Variants in CACNA2D1 observed in about 807,000 individuals in gnomAD.
The protein encoded by CACNA2D1 is voltage-dependent calcium channel subunit alpha-2/delta-1.
CACNA2D1 carries 53 observed loss-of-function variants against 171.5 expected under a neutral mutation model. That is an observed-to-expected ratio of 0.31 (90% CI 0.25 to 0.39). The LOEUF is 0.39. CACNA2D1 is among the 10% of genes least tolerant of loss of function. The pLI is 1.00. For missense variants in CACNA2D1, 903 were observed against 1,299.8 expected (o/e 0.69, Z 4.69); for synonymous variants, 442 against 443.1 (o/e 1.00, Z 0.03).
intron 1 of CACNA2D1, among the ~76,000 whole-genome samples, chr7:82,388,121 C>T (rs1038644228): frequency 6.6e-6 from 1 of 151,366 alleles, no homozygotes; most frequent in Admixed American, 6.6e-5. Context: ...TACATCTGAC[C>T]TAATCTCTTC....
intron 29 of CACNA2D1, 131 bp from the exon 30 acceptor site, chr7:81,967,794 G>C: frequency 1.7e-6 from 1 of 592,142 alleles, no homozygotes; most frequent in East Asian, 2.8e-5. Context: ...TGTTCATTAA[G>C]AAATAATGCT....
rs932080938 is a variant in CACNA2D1 at position 82,099,422 on chromosome 7, C to CTT, written c.527-14524_527-14523dup. Among the ~76,000 whole-genome samples, 36 of 40,290 alleles carry CTT rather than the reference C, an allele frequency of 8.9e-4. 4 individuals carry two copies. Among genetic ancestry groups the CTT allele is most frequent in the Admixed American group, 1.2e-3 (4 of 3,274 alleles). The allele number at this position is 40,290 out of a possible 152,430, so 26.4% of individuals were successfully genotyped here. On this transcript the variant is annotated intron_variant, in intron 6 of 38. Coordinates refer to ENST00000356860, the MANE Select transcript of CACNA2D1 (RefSeq NM_000722.4). ...ACTCTAAAACAGGTAGCAATACCTT[C>CTT]TTTTTTTTTTTTTTTTTTTTTTTTT...
At chr7:82,233,290 T>A (rs552976919) in intron 3 of CACNA2D1, among the ~76,000 whole-genome samples, 21 of 152,356 alleles carry the variant, frequency 1.4e-4, no homozygotes, top group African/African-American at 4.6e-4. Flanking sequence ...TTCACAAATA[T>A]TATTTTCCTC....
intron 5 of CACNA2D1, among the ~76,000 whole-genome samples, chr7:82,119,060 CCTGA>C (rs1789412607): frequency 6.6e-6 from 1 of 151,956 alleles, no homozygotes; most frequent in African/African-American, 2.4e-5. Flanking sequence ...ATACAAAGGA[CCTGA>C]CTTTTATGAA....
At chr7:82,126,849 T>A (rs1254121415) in intron 5 of CACNA2D1, among the ~76,000 whole-genome samples, 1 of 152,196 alleles carries the variant, frequency 6.6e-6, no homozygotes, top group Non-Finnish European at 1.5e-5. Flanking sequence ...ATCTCCCATC[T>A]CCTCAGCTGC....
chr7:82,248,934 G>A (rs897080798), intron 3 of CACNA2D1, among the ~76,000 whole-genome samples: 6 of 152,090 alleles, frequency 3.9e-5, no homozygotes, highest in African/African-American at 1.2e-4. Context: ...TGGCTAATAC[G>A]GTGAAACCCT....
intron 24 of CACNA2D1, 40 bp downstream of exon 24, chr7:81,982,527 C>T (rs1350978601): frequency 8.8e-7 from 1 of 1,134,542 alleles, no homozygotes; most frequent in South Asian, 1.2e-5. Flanking sequence ...GAAGGCCTAG[C>T]TACTGATAGA....
chr7:82,127,554 A>C lies in CACNA2D1; in HGVS notation c.396+9081T>G, dbSNP rs1413949949. On this transcript the variant is annotated intron_variant, in intron 5 of 38. Transcript: ENST00000356860. ...CTAAAACTTTAGTAGAGAAGATCAA[A>C]CCCTGTACACATATTCTATTGTATA... Among the ~76,000 whole-genome samples, 4 of 152,302 alleles carry C rather than the reference A, an allele frequency of 2.6e-5. No individual in the cohort carries two copies. The Middle Eastern group carries it at 0.01, about 389-fold the overall frequency.
intron 6 of CACNA2D1, among the ~76,000 whole-genome samples, chr7:82,085,548 T>C (rs914168925): frequency 6.6e-5 from 10 of 151,068 alleles, no homozygotes; most frequent in Non-Finnish European, 7.4e-5. Flanking sequence ...AAAAAAGTCA[T>C]TGGGCATAGC....
At chr7:82,300,800 T>C (rs1563333310) in intron 3 of CACNA2D1, among the ~76,000 whole-genome samples, 1 of 151,884 alleles carries the variant, frequency 6.6e-6, no homozygotes, top group Non-Finnish European at 1.5e-5. Context: ...ATTATAAATA[T>C]AATAATCTAG....
chr7:82,207,526 G>GC (rs1191521990), intron 3 of CACNA2D1, among the ~76,000 whole-genome samples: 1 of 148,558 alleles, frequency 6.7e-6, no homozygotes, highest in East Asian at 1.9e-4. Flanking sequence ...AAGATTTGAG[G>GC]TTAAAAAAAA....
At chr7:81,997,761 T>C (rs1438028580) in intron 18 of CACNA2D1, among the ~76,000 whole-genome samples, 2 of 152,034 alleles carry the variant, frequency 1.3e-5, no homozygotes, top group East Asian at 1.9e-4. Context: ...TCTGAAAGTA[T>C]ATAAAGAAAA....
At chr7:82,075,378 G>A (rs950789372) in intron 7 of CACNA2D1, among the ~76,000 whole-genome samples, 16 of 152,106 alleles carry the variant, frequency 1.1e-4, no homozygotes, top group Admixed American at 5.2e-4. Flanking sequence ...ACTCAATAAA[G>A]TAAATGGTAC....
intron 5 of CACNA2D1, among the ~76,000 whole-genome samples, chr7:82,133,951 T>C (rs1791308549): frequency 6.6e-6 from 1 of 152,016 alleles, no homozygotes; most frequent in Non-Finnish European, 1.5e-5. Flanking sequence ...CGGGCGCCTG[T>C]AGTCCCAGCT....
intron 4 of CACNA2D1, among the ~76,000 whole-genome samples, chr7:82,161,849 A>G (rs1389264471): frequency 2.0e-5 from 3 of 152,042 alleles, no homozygotes; most frequent in African/African-American, 7.2e-5. Context: ...TCCTTGGAGG[A>G]ATATGGGCAT....
chr7:82,118,758 T>C (rs1789375048), intron 5 of CACNA2D1, among the ~76,000 whole-genome samples: 1 of 152,064 alleles, frequency 6.6e-6, no homozygotes, highest in Non-Finnish European at 1.5e-5. Context: ...TAGAAATAAC[T>C]TTAAAATAAT....
Position 81,974,551 on chromosome 7 carries a change from C to T in CACNA2D1, c.1957G>A (p.Asp653Asn), listed in dbSNP as rs776742698. 1 of 1,445,234 alleles carries T rather than the reference C, an allele frequency of 6.9e-7. No individual in the cohort carries two copies. The highest frequency in any genetic ancestry group is 9.7e-7 in the Non-Finnish European group (1 of 1,032,890). The allele number at this position is 1,445,234 out of a possible 1,614,324, so 89.5% of individuals were successfully genotyped here. A position where few individuals can be genotyped will look rare whatever the true frequency, so the allele number is the denominator to read the frequency against. ...GATATTTTCAGGTCATTGCAGTAAT[C>T]TCTGAAAAAAAAACATTTTGAGATA... is the stretch of plus-strand genomic sequence containing the variant. ...ESGYTFIAPRDYCNDLKISDN... is the reference protein window; with the variant it reads ...ESGYTFIAPRNYCNDLKISDN... Residue 653 changes from aspartate (D) to asparagine (N), a missense_variant and splice_region_variant, in exon 25 of 39, where the codon GAT becomes AAT. Asp to Asn is a conservative substitution (Grantham distance 23). This residue lies in a region of CACNA2D1 where 623 missense variants were observed against 925.5 expected (regional missense o/e 0.67). Transcript: ENST00000356860.
Position 82,443,764 on chromosome 7 carries a change from C to A in CACNA2D1, c.-305G>T, listed in dbSNP as rs1371484960. ...AGACCTCGGCGAGCCCGCCGGCGCT[C>A]GCGCGCTCTCGCTCTCCCTCTCGGT... is the stretch of plus-strand genomic sequence containing the variant. On this transcript the variant is annotated 5_prime_UTR_variant, in exon 1 of 39. Transcript: ENST00000356860. The A allele has an allele frequency of 9.0e-7, 1 of 1,108,862 alleles. No homozygotes were observed. The highest frequency in any genetic ancestry group is 1.6e-5 in the African/African-American group (1 of 61,656). 68.7% of individuals were successfully genotyped at this position (1,108,862 alleles called of 1,614,324 possible).
At chr7:82,033,828 T>C (rs183592841) in intron 11 of CACNA2D1, among the ~76,000 whole-genome samples, 185 of 152,210 alleles carry the variant, frequency 1.2e-3, no homozygotes, top group Admixed American at 1.6e-3. Context: ...ATCTTAACTT[T>C]TCTACTGTTG....
Sources: gnomAD v4.1 joint callset for allele counts (sites outside exome capture counted in the v4.1 genomes callset) on GRCh38, gnomAD v4.1.1 for gene constraint, gnomAD v4.1.1 regional missense constraint, MANE v1.5 for transcripts, NCBI Gene and HGNC (gene_info 2026-07-23, HGNC 2026-07-21) for gene names.